Variants in CIITA observed in about 807,000 individuals in gnomAD.
The protein encoded by CIITA is class II major histocompatibility complex transactivator.
Under a neutral mutation model 115.1 loss-of-function variants are expected in CIITA, and 72 were observed. The observed-to-expected ratio is 0.63, with a 90% CI of 0.52 to 0.76. The LOEUF is 0.76. Among genes scored for constraint, CIITA ranks in the 30% least tolerant of loss-of-function variants. The pLI is 0.00. For missense variants in CIITA, 1,617 were observed against 1,463.8 expected, an observed-to-expected ratio of 1.10 and a Z score of -1.71; for synonymous variants, 763 against 635.6, an observed-to-expected ratio of 1.20 and a Z score of -3.02.
chr16:10,883,430 C>T (rs978984045), intron 1 of CIITA, among the ~76,000 whole-genome samples: 7 of 152,236 alleles, frequency 4.6e-5, no homozygotes, highest in African/African-American at 1.4e-4. Context: ...TCTTCATTCT[C>T]ATCCTGGGAC....
chr16:10,930,524 A>T lies in CIITA; in HGVS notation c.*6669A>T, dbSNP rs1381470454. ...AGACCCATGCATCGTATAGGATAAG[A>T]AACTGAGGTTCTTATCATTTAATAG... On this transcript the variant is annotated 3_prime_UTR_variant, in exon 20 of 20. Transcript: ENST00000324288. 6.6e-6 allele frequency: 1 copy of T among 152,224 alleles called. No homozygotes were observed. The highest frequency in any genetic ancestry group is 1.5e-5 in the Non-Finnish European group (1 of 68,044). 9.4% of individuals were successfully genotyped at this position (152,224 alleles called of 1,614,324 possible). A position where few individuals can be genotyped will look rare whatever the true frequency, so the allele number is the denominator to read the frequency against.
Position 10,895,470 on chromosome 16 carries a change from C to T in CIITA, c.199+42C>T, listed in dbSNP as rs188394490. The T allele has an allele frequency of 1.2e-4, 193 of 1,610,316 alleles. 2 individuals are homozygous for T. In the African/African-American group the frequency reaches 2.4e-3, roughly 20 times the overall value. On this transcript the variant is annotated intron_variant, in intron 2 of 19. Coordinates refer to ENST00000324288, the MANE Select transcript of CIITA (RefSeq NM_000246.4). Reference sequence around the variant, plus strand: ...CTGGTCTCTTCCGGTATCCCCCACCCCTCAGCTTGCTGTAGAGACGGCAAT... The same window carrying T: ...CTGGTCTCTTCCGGTATCCCCCACCTCTCAGCTTGCTGTAGAGACGGCAAT...
intron 16 of CIITA, among the ~76,000 whole-genome samples, chr16:10,921,372 T>C (rs576054672): frequency 6.6e-6 from 1 of 152,330 alleles, no homozygotes; most frequent in East Asian, 1.9e-4. Context: ...CTGGAGCTGG[T>C]CCAGTGACTG....
chr16:10,874,003 TAG>T (rs540651549), upstream of CIITA, among the ~76,000 whole-genome samples: 324 of 152,252 alleles, frequency 2.1e-3, no homozygotes, highest in African/African-American at 7.7e-3. Flanking sequence ...TTTTTTGAAA[TAG>T]AGTCTCGCTC....
intron 13 of CIITA, 40 bp downstream of exon 13, chr16:10,910,299 G>A (rs372027567): frequency 9.0e-6 from 14 of 1,553,272 alleles, no homozygotes; most frequent in Non-Finnish European, 1.2e-5. Context: ...TCTGCGCAAG[G>A]TTTCCCCTGC....
rs150928735 is a variant in CIITA at position 10,922,200 on chromosome 16, C to A, written c.3183C>A (p.Ala1061=). Residue 1061 remains alanine, a synonymous_variant, in exon 17 of 20, where the codon GCC becomes GCA. Coordinates refer to ENST00000324288, the MANE Select transcript of CIITA (RefSeq NM_000246.4). ...ATAACTGCATCTGCGACGTGGGAGC[C>A]GAGAGCTTGGCTCGTGTGCTTCCGG... ...LYNNCICDVG[A]ESLARVLPDM... is the part of the protein sequence containing the mutation. The A allele has an allele frequency of 3.1e-6, 5 of 1,614,096 alleles. No homozygotes were observed. In the African/African-American group the frequency reaches 6.7e-5, roughly 22 times the overall value.
Position 10,929,330 on chromosome 16 carries a change from C to G in CIITA, c.*5475C>G. ...GGGATGAAGTGCAGGGAGGCAAACT[C>G]TGGCTGGGTTCCTGTAAACATCCAT... On this transcript the variant is annotated 3_prime_UTR_variant, in exon 20 of 20. Transcript: ENST00000324288. This position sits in a 1 kb window ranked among gnomAD's most constrained non-coding sequence, Gnocchi z 4.3. 1 of 985,934 alleles carries G rather than the reference C, an allele frequency of 1.0e-6. No individual in the cohort carries two copies. The highest frequency in any genetic ancestry group is 1.2e-6 in the Non-Finnish European group (1 of 829,976). 61.1% of individuals were successfully genotyped at this position (985,934 alleles called of 1,614,324 possible).
In CIITA at chr16:10,927,290, A is replaced by T. The variant is rs1229502556; in HGVS notation, c.*3435A>T. The T allele has an allele frequency of 1.3e-5, 2 of 152,148 alleles. No individual in the cohort carries two copies. Among genetic ancestry groups the T allele is most frequent in the Non-Finnish European group, 2.9e-5 (2 of 68,030 alleles). 9.4% of individuals were successfully genotyped at this position (152,148 alleles called of 1,614,324 possible). A position where few individuals can be genotyped will look rare whatever the true frequency, so the allele number is the denominator to read the frequency against. The stretch of plus-strand genomic sequence containing the variant: ...ATTCTCCAACCCCATCACTAGTTTT[A>T]TCTTTTTCACTTATTTATGCAGTCT... On this transcript the variant is annotated 3_prime_UTR_variant, in exon 20 of 20. Coordinates refer to ENST00000324288, the MANE Select transcript of CIITA (RefSeq NM_000246.4).
rs1187392885 is a variant in CIITA at position 10,907,058 on chromosome 16, C to G, written c.1566C>G (p.Pro522=). 6.2e-7 allele frequency: 1 copy of G among 1,607,414 alleles called. No homozygotes were observed. The highest frequency in any genetic ancestry group is 1.3e-5 in the African/African-American group (1 of 75,054). Residue 522 remains proline (P), a synonymous_variant, in exon 11 of 20, where the codon CCC becomes CCG. Coordinates refer to ENST00000324288, the MANE Select transcript of CIITA (RefSeq NM_000246.4). This position sits in a 1 kb window ranked among gnomAD's most constrained non-coding sequence, Gnocchi z 5.0. ...CGTGCGGACCGGCACCGGCGGAGCC[C>G]TGCTCCCTCCGGGGGCTGCTGGCCG... The part of the protein sequence containing the change: ...HSTCGPAPAE[P]CSLRGLLAGL...
chr16:10,876,104 C>T (rs2035821647), upstream of CIITA, among the ~76,000 whole-genome samples: 1 of 152,110 alleles, frequency 6.6e-6, no homozygotes, highest in African/African-American at 2.4e-5. Flanking sequence ...TTGCAGCGAG[C>T]CAAGATCATG....
In CIITA at chr16:10,916,466, G is replaced by T. The variant is rs1235330258; in HGVS notation, c.3062+7G>T. Reference sequence around the variant, plus strand: ...AGTCCTTGGAAACCCTCAAGTGAGTGAGCTGGGCCTGCCCTTCCTGCTGAA... The same window carrying T: ...AGTCCTTGGAAACCCTCAAGTGAGTTAGCTGGGCCTGCCCTTCCTGCTGAA... On this transcript the variant is annotated splice_region_variant and intron_variant, in intron 15 of 19. Transcript: ENST00000324288. The T allele has an allele frequency of 6.2e-7, 1 of 1,608,504 alleles. No homozygotes were observed. Among genetic ancestry groups the T allele is most frequent in the South Asian group, 1.1e-5 (1 of 90,142 alleles).
rs1193770115 is a variant in CIITA, at chr16:10,932,835, A to C, written c.*8980A>C. 2.0e-5 allele frequency: 3 copies of C among 151,746 alleles called. No individual in the cohort carries two copies. 9.4% of individuals were successfully genotyped at this position (151,746 alleles called of 1,614,324 possible). On this transcript the variant is annotated 3_prime_UTR_variant, in exon 20 of 20. Transcript: ENST00000324288. ...CCTGAGTAGCTGGGACTACAGGCGC[A>C]TGTCACCATGCCTGGCTAATTGATG...
Position 10,931,736 on chromosome 16 carries a change from A to T in CIITA, c.*7881A>T, listed in dbSNP as rs2040805547. ...CTACTAAAAACAAACAAACAAAAAT[A>T]CAAAATTCGCTGGGCATGGTGGCAG... On this transcript the variant is annotated 3_prime_UTR_variant, in exon 20 of 20. Coordinates refer to ENST00000324288, the MANE Select transcript of CIITA (RefSeq NM_000246.4). 1 of 152,214 alleles carries T rather than the reference A, an allele frequency of 6.6e-6. No individual in the cohort carries two copies. Among genetic ancestry groups the T allele is most frequent in the Non-Finnish European group, 1.5e-5 (1 of 68,064 alleles). 9.4% of individuals were successfully genotyped at this position (152,214 alleles called of 1,614,324 possible).
intron 1 of CIITA, among the ~76,000 whole-genome samples, chr16:10,893,666 G>A (rs1390718398): frequency 3.3e-5 from 5 of 151,744 alleles, no homozygotes; most frequent in African/African-American, 9.7e-5. Flanking sequence ...AAAATTAGCC[G>A]GGTGTGGTGG....
At chr16:10,873,032 G>C (rs1252951047), upstream of CIITA, among the ~76,000 whole-genome samples, 48 of 152,120 alleles carry the variant, frequency 3.2e-4, no homozygotes. Flanking sequence ...GAGCACAGTG[G>C]CGCAATCACA....
intron 15 of CIITA, among the ~76,000 whole-genome samples, chr16:10,918,018 T>C (rs1199825224): frequency 1.3e-5 from 2 of 152,208 alleles, no homozygotes; most frequent in African/African-American, 2.4e-5. Context: ...TAAGTATTTA[T>C]TGAGCACCTA....
Position 10,922,491 on chromosome 16 carries a change from G to A in CIITA, c.3317+1G>A, listed in dbSNP as rs771073292. On this transcript the variant is annotated splice_donor_variant, in intron 18 of 19. Coordinates refer to ENST00000324288, the MANE Select transcript of CIITA (RefSeq NM_000246.4). LOFTEE classifies it high-confidence loss of function. ...GGTGTCCTCATGTGGAGACGCTGGC[G>A]TAAGTCCAGGCAACCCTGGTGGGTG... The A allele has an allele frequency of 3.7e-6, 6 of 1,613,856 alleles. No homozygotes were observed. The highest frequency in any genetic ancestry group is 2.2e-5 in the East Asian group (1 of 44,906).
At chr16:10,903,137 T>C (rs1474779465) in intron 8 of CIITA, among the ~76,000 whole-genome samples, 1 of 152,190 alleles carries the variant, frequency 6.6e-6, no homozygotes, top group African/African-American at 2.4e-5. Flanking sequence ...TAATGACAAG[T>C]GATGTTTACA....
chr16:10,872,083 TTTA>T (rs1025191230), intron 1 of CIITA, among the ~76,000 whole-genome samples: 2 of 152,150 alleles, frequency 1.3e-5, no homozygotes, highest in African/African-American at 2.4e-5. Context: ...TCTACTTCTT[TTTA>T]TTATTATTAT....
Sources: allele counts gnomAD v4.1 joint callset (sites outside exome capture counted in the v4.1 genomes callset), GRCh38; gene constraint gnomAD v4.1.1; non-coding constraint Gnocchi (gnomAD v3.1); transcripts MANE v1.5; gene names NCBI Gene and HGNC (gene_info 2026-07-23, HGNC 2026-07-21).